Variants in LY86 observed in about 807,000 individuals in gnomAD.
LY86 encodes MD-1, RP105-associated.
Under a neutral mutation model 17.3 loss-of-function variants are expected in LY86, and 20 were observed. The ratio of observed to expected loss-of-function variants is 1.15; its 90% CI spans 0.81 to 1.68. The LOEUF is 1.68. Among genes scored for constraint, LY86 ranks in the 40% most tolerant of loss-of-function variants. The pLI is 0.00. For missense variants in LY86, 200 were observed against 191.9 expected (o/e 1.04, Z -0.25); for synonymous variants, 74 against 70.6 (o/e 1.05, Z -0.24).
chr6:6,654,698 C>G lies in LY86; in HGVS notation c.*71C>G. Reference sequence around the variant, plus strand: ...CTCCAAGCTCCTCTGACTGAACCTACTGTGGGAGGAGAAGCAGCTGATGAC... The same window carrying G: ...CTCCAAGCTCCTCTGACTGAACCTAGTGTGGGAGGAGAAGCAGCTGATGAC... On this transcript the variant is annotated 3_prime_UTR_variant, in exon 5 of 5. Coordinates refer to ENST00000230568, the MANE Select transcript of LY86 (RefSeq NM_004271.4). 1 of 1,313,622 alleles carries G rather than the reference C, an allele frequency of 7.6e-7. No homozygotes were observed. The highest frequency in any genetic ancestry group is 2.3e-5 in the East Asian group (1 of 43,238). 81.4% of individuals were successfully genotyped at this position (1,313,622 alleles called of 1,614,324 possible). A position where few individuals can be genotyped will look rare whatever the true frequency, so the allele number is the denominator to read the frequency against.
intron 3 of LY86, among the ~76,000 whole-genome samples, chr6:6,629,022 G>A (rs1761853371): frequency 6.6e-6 from 1 of 152,228 alleles, no homozygotes; most frequent in Non-Finnish European, 1.5e-5. Flanking sequence ...ACAGAAGAGA[G>A]ATGGTTCCCT....
At chr6:6,625,598 T>C (rs1414834084) in intron 2 of LY86, among the ~76,000 whole-genome samples, 1 of 152,206 alleles carries the variant, frequency 6.6e-6, no homozygotes, top group African/African-American at 2.4e-5. Context: ...TCCAAAGCAG[T>C]TATATCAAAA....
chr6:6,629,053 A>G (rs1046723244), intron 3 of LY86, among the ~76,000 whole-genome samples: 1 of 152,238 alleles, frequency 6.6e-6, no homozygotes, highest in African/African-American at 2.4e-5. Flanking sequence ...GAGGTATTCA[A>G]TTCAGTTTAG....
chr6:6,612,842 G>C (rs776263737), intron 1 of LY86, among the ~76,000 whole-genome samples: 1 of 152,132 alleles, frequency 6.6e-6, no homozygotes, highest in Non-Finnish European at 1.5e-5. Flanking sequence ...CCTTGAGCTA[G>C]ATACAGAGTG....
chr6:6,644,724 G>A (rs1762086301), intron 3 of LY86, among the ~76,000 whole-genome samples: 1 of 152,040 alleles, frequency 6.6e-6, no homozygotes, highest in African/African-American at 2.4e-5. Flanking sequence ...TTAATCCACT[G>A]CACATTAAAA....
chr6:6,652,150 A>T (rs1334997797), intron 4 of LY86, among the ~76,000 whole-genome samples: 2 of 152,082 alleles, frequency 1.3e-5, no homozygotes, highest in African/African-American at 4.8e-5. Flanking sequence ...GGAAGTGCAG[A>T]ACGTAAGTTC....
intron 3 of LY86, among the ~76,000 whole-genome samples, chr6:6,632,356 C>T (rs918493265): frequency 6.6e-6 from 1 of 152,198 alleles, no homozygotes; most frequent in Non-Finnish European, 1.5e-5. Flanking sequence ...ATTACTGCAT[C>T]TATCAAATGA....
chr6:6,650,491 C>T lies in LY86; in HGVS notation c.405+814C>T, dbSNP rs534840358. Among the ~76,000 whole-genome samples the T allele has an allele frequency of 2.9e-4, 44 of 152,210 alleles. 1 individual carries two copies. In the East Asian group the frequency reaches 3.9e-3, roughly 13 times the overall value. On this transcript the variant is annotated intron_variant, in intron 4 of 4. Transcript: ENST00000230568. The stretch of plus-strand genomic sequence containing the variant: ...CTTGGACTACAGGCACATGCCACCA[C>T]GCCCAGCTAATTTTTGGATTTTTAG...
intron 1 of LY86, among the ~76,000 whole-genome samples, chr6:6,601,706 T>C (rs7450433): frequency 0.79 from 119,765 of 151,430 alleles, 48,933 homozygotes; most frequent in Non-Finnish European, 0.89. Flanking sequence ...GGAGACAGAG[T>C]GAGACACTGT....
rs758737986 is a variant in LY86, at chr6:6,626,270, AG to A, written c.224-22del. 9.3e-6 allele frequency: 15 copies of A among 1,612,704 alleles called. No homozygotes were observed. In the East Asian group the frequency reaches 2.9e-4, roughly 31 times the overall value. ...ACAGTGAAACACGCAGTAAGAGTAAAGCTGTTCTTCTCTTTCCTCCAGGAGA... is the reference window on the plus strand; with the variant it reads ...ACAGTGAAACACGCAGTAAGAGTAAACTGTTCTTCTCTTTCCTCCAGGAGA... On this transcript the variant is annotated intron_variant, in intron 2 of 4. Transcript: ENST00000230568.
chr6:6,590,939 A>C (rs369784772), intron 1 of LY86, among the ~76,000 whole-genome samples: 4 of 151,986 alleles, frequency 2.6e-5, no homozygotes, highest in Admixed American at 6.6e-5. Context: ...CACACACACA[A>C]AAATTAAAAA....
At chr6:6,645,178 A>G (rs577715516) in intron 3 of LY86, among the ~76,000 whole-genome samples, 98 of 152,352 alleles carry the variant, frequency 6.4e-4, no homozygotes, top group Non-Finnish European at 1.2e-3. Context: ...AAAGGCACAG[A>G]CAGAACTTAG....
chr6:6,606,477 C>G (rs977907403), intron 1 of LY86, among the ~76,000 whole-genome samples: 2 of 152,238 alleles, frequency 1.3e-5, no homozygotes, highest in South Asian at 4.1e-4. Flanking sequence ...ACCCGCACTC[C>G]TCAGCCCTTG....
At chr6:6,605,741 G>A (rs1561779593) in intron 1 of LY86, among the ~76,000 whole-genome samples, 3 of 152,216 alleles carry the variant, frequency 2.0e-5, no homozygotes, top group African/African-American at 4.8e-5. Context: ...TTCTTAAAAG[G>A]CAGTGTGTCC....
rs1561788465 is a variant in LY86, at chr6:6,626,305, A to T, written c.236A>T (p.Lys79Ile). Reference sequence around the variant, plus strand: ...CTCTTTCCTCCAGGAGAGGACATCAAAGAGCTTTTTCTTGACCTAGCTCTC... The same window carrying T: ...CTCTTTCCTCCAGGAGAGGACATCATAGAGCTTTTTCTTGACCTAGCTCTC... ...RFGIILREDI[K>I]ELFLDLALMS... Residue 79 changes from lysine to isoleucine, a missense_variant, in exon 3 of 5, where the codon AAA becomes ATA. By Grantham distance (102) the Lys-to-Ile change is moderately radical (BLOSUM62 -3). Transcript: ENST00000230568. 1 of 1,613,918 alleles carries T rather than the reference A, an allele frequency of 6.2e-7. No homozygotes were observed. The highest frequency in any genetic ancestry group is 2.2e-5 in the East Asian group (1 of 44,884).
At chr6:6,640,243 C>T (rs1762018585) in intron 3 of LY86, among the ~76,000 whole-genome samples, 1 of 151,984 alleles carries the variant, frequency 6.6e-6, no homozygotes, top group Admixed American at 6.6e-5. Context: ...GAGAGAAAAC[C>T]AGCTTCTATT....
intron 1 of LY86, among the ~76,000 whole-genome samples, chr6:6,606,445 G>A (rs905802109): frequency 1.9e-4 from 29 of 152,352 alleles, no homozygotes; most frequent in African/African-American, 7.0e-4. Flanking sequence ...AGGTGGAGCT[G>A]CCTGCCAGTC....
intron 1 of LY86, among the ~76,000 whole-genome samples, chr6:6,623,267 C>T (rs1761718898): frequency 6.6e-6 from 1 of 152,054 alleles, no homozygotes; most frequent in South Asian, 2.1e-4. Flanking sequence ...ACAGAAGGAC[C>T]CTGTGGAGCT....
intron 1 of LY86, among the ~76,000 whole-genome samples, chr6:6,597,452 T>C (rs1341374970): frequency 6.6e-6 from 1 of 152,094 alleles, no homozygotes; most frequent in Admixed American, 6.5e-5. Flanking sequence ...TTCACTGAAA[T>C]AAAAGGGTGA....
Sources: gnomAD v4.1 joint callset for allele counts (sites outside exome capture counted in the v4.1 genomes callset) on GRCh38, gnomAD v4.1.1 for gene constraint, MANE v1.5 for transcripts, NCBI Gene and HGNC (gene_info 2026-07-23, HGNC 2026-07-21) for gene names.